The following UBASH3A variants were observed in gnomAD, a reference collection of about 807,000 sequenced individuals.
The protein encoded by UBASH3A is ubiquitin-associated and SH3 domain-containing protein A.
In UBASH3A, 63 loss-of-function variants were observed where a neutral mutation model predicts 73.5. That is an observed-to-expected ratio of 0.86 (90% CI 0.70 to 1.06). The LOEUF (loss-of-function observed/expected upper bound fraction) is 1.06. Among genes scored for constraint, UBASH3A ranks in the 50% least tolerant of loss-of-function variants. The probability of loss-of-function intolerance (pLI) is 0.00; values close to 1 mark genes in which losing one functional copy is unlikely to be tolerated. For missense variants in UBASH3A, 860 were observed against 859.0 expected, an observed-to-expected ratio of 1.00 and a Z score of -0.02; for synonymous variants, 363 against 351.1, an observed-to-expected ratio of 1.03 and a Z score of -0.38.
intron 1 of UBASH3A, among the ~76,000 whole-genome samples, chr21:42,404,552 G>A (rs1265536828): frequency 6.6e-6 from 1 of 152,184 alleles, no homozygotes; most frequent in Non-Finnish European, 1.5e-5. Flanking sequence ...TACTCTGGGT[G>A]CCCCATTTTG....
intron 2 of UBASH3A, among the ~76,000 whole-genome samples, chr21:42,407,884 T>C (rs547938112): frequency 6.6e-6 from 1 of 152,388 alleles, no homozygotes; most frequent in African/African-American, 2.4e-5. Context: ...AAGTGCAACA[T>C]TGTATATGTA....
chr21:42,430,960 G>A lies in UBASH3A; in HGVS notation c.1171-1143G>A, dbSNP rs547506274. Among the ~76,000 whole-genome samples, 5 of 152,202 alleles carry A rather than the reference G, an allele frequency of 3.3e-5. No individual in the cohort carries two copies. The South Asian group carries it at 6.2e-4, about 19-fold the overall frequency. The stretch of plus-strand genomic sequence containing the variant: ...GGGCTGGGAATGTAGGTGAAGGGCC[G>A]ATGTCAGCTGGCACATTAGTGCCCT... On this transcript the variant is annotated intron_variant, in intron 8 of 14. Transcript: ENST00000319294.
At chr21:42,406,649 T>C (rs1452207419) in intron 2 of UBASH3A, among the ~76,000 whole-genome samples, 1 of 152,234 alleles carries the variant, frequency 6.6e-6, no homozygotes, top group African/African-American at 2.4e-5. Context: ...AACAGGTTCA[T>C]GTGCTTTGTT....
chr21:42,406,028 C>A (rs936737580), intron 1 of UBASH3A, among the ~76,000 whole-genome samples: 4 of 135,822 alleles, frequency 2.9e-5, no homozygotes, highest in Non-Finnish European at 6.2e-5. Context: ...CAGGAGCGGG[C>A]GGAGGTCAGG....
chr21:42,442,646 A>G, intron 12 of UBASH3A, 50 bp downstream of exon 12: 6 of 1,563,188 alleles, frequency 3.8e-6, no homozygotes, highest in Non-Finnish European at 5.2e-6. Flanking sequence ...AGTTATTGTT[A>G]AAGAAAAATT....
intron 10 of UBASH3A, 153 bp downstream of exon 10, chr21:42,435,107 TAA>T (rs1288498859): frequency 2.1e-6 from 2 of 945,560 alleles, no homozygotes; most frequent in Non-Finnish European, 3.1e-6. Context: ...ACAGAGAGGT[TAA>T]GCAACTTGCC....
At chr21:42,419,512 T>C (rs111838414) in intron 7 of UBASH3A, among the ~76,000 whole-genome samples, 4 of 152,232 alleles carry the variant, frequency 2.6e-5, no homozygotes, top group African/African-American at 4.8e-5. Flanking sequence ...CTTGCTCCGA[T>C]TTCCTGGAAC....
In UBASH3A at chr21:42,412,948, G is replaced by A. The variant is rs1408821070; in HGVS notation, c.355-76G>A. 8 of 1,226,406 alleles carry A rather than the reference G, an allele frequency of 6.5e-6. 1 individual carries two copies. In the Admixed American group the frequency reaches 9.7e-5, roughly 15 times the overall value. 76.0% of individuals were successfully genotyped at this position (1,226,406 alleles called of 1,614,324 possible). ...AAGAATCTCACTTTAATTGCTGCCT[G>A]ATTGTTATTAATTAAATTAATAGAT... On this transcript the variant is annotated intron_variant, in intron 3 of 14. Transcript: ENST00000319294.
At chr21:42,442,365 A>G in intron 11 of UBASH3A, 87 bp from the exon 12 acceptor site, 2 of 1,343,564 alleles carry the variant, frequency 1.5e-6, no homozygotes, top group Admixed American at 1.9e-5. Flanking sequence ...CGTGTGTGTG[A>G]CGGTCTGAGA....
At chr21:42,412,952 G>A (rs1317862440) in intron 3 of UBASH3A, 72 bp from the exon 4 acceptor site, 1 of 1,248,606 alleles carries the variant, frequency 8.0e-7, no homozygotes, top group East Asian at 2.3e-5. Context: ...CTGCCTGATT[G>A]TTATTAATTA....
At chr21:42,421,204 G>C (rs2053332275) in intron 7 of UBASH3A, among the ~76,000 whole-genome samples, 1 of 152,228 alleles carries the variant, frequency 6.6e-6, no homozygotes, top group Non-Finnish European at 1.5e-5. Flanking sequence ...AAGCTGCTCA[G>C]CCTCATGGGT....
intron 7 of UBASH3A, among the ~76,000 whole-genome samples, chr21:42,425,389 C>T (rs765720439): frequency 4.6e-5 from 7 of 152,198 alleles, no homozygotes; most frequent in African/African-American, 7.2e-5. Context: ...CAGAGCGAGC[C>T]GCAGGGAGGC....
At chr21:42,444,980 C>T (rs370271330) in intron 14 of UBASH3A, among the ~76,000 whole-genome samples, 59 of 152,268 alleles carry the variant, frequency 3.9e-4, no homozygotes, top group Non-Finnish European at 7.1e-4. Flanking sequence ...CTGTGGGACT[C>T]GATTCTGGCC....
chr21:42,437,675 C>A, intron 11 of UBASH3A, 95 bp downstream of exon 11: 2 of 1,133,088 alleles, frequency 1.8e-6, no homozygotes, highest in Non-Finnish European at 2.6e-6. Flanking sequence ...AATTGGATGA[C>A]TGGCAATGAA....
Position 42,414,792 on chromosome 21 carries a change from C to A in UBASH3A, c.667+1269C>A, listed in dbSNP as rs561952529. 4.4e-4 allele frequency among the ~76,000 whole-genome samples: 67 copies of A among 152,318 alleles called. 1 individual carries two copies. The South Asian group carries it at 6.6e-3, about 15-fold the overall frequency. On this transcript the variant is annotated intron_variant, in intron 5 of 14. Transcript: ENST00000319294. ...GCCCTGCCAACACCTTGATTTTGAACCTCTAGTCTCCAGAAATGGGAGGCA... is the reference window on the plus strand; with the variant it reads ...GCCCTGCCAACACCTTGATTTTGAAACTCTAGTCTCCAGAAATGGGAGGCA...
chr21:42,417,809 CAAAA>C (rs974436429), intron 6 of UBASH3A, among the ~76,000 whole-genome samples: 9 of 145,108 alleles, frequency 6.2e-5, no homozygotes, highest in African/African-American at 2.3e-4. Context: ...CTTTTGTAGA[CAAAA>C]AAGTACCTAG....
At chr21:42,411,672 T>C (rs1462635162) in intron 3 of UBASH3A, among the ~76,000 whole-genome samples, 1 of 152,200 alleles carries the variant, frequency 6.6e-6, no homozygotes, top group African/African-American at 2.4e-5. Flanking sequence ...GGCCTGGCCG[T>C]GGTTAGTGGA....
In UBASH3A at chr21:42,420,146, T is replaced by G. The variant is rs111806389; in HGVS notation, c.1046+1537T>G. Among the ~76,000 whole-genome samples the G allele has an allele frequency of 1.6e-4, 24 of 152,304 alleles. 1 individual carries two copies. The highest frequency in any genetic ancestry group is 5.8e-4 in the African/African-American group (24 of 41,556). Reference sequence around the variant, plus strand: ...TAATACATATAAGTATATGTACAGTTGTCCCTTGCTATCTGCAAGGGATTG... The same window carrying G: ...TAATACATATAAGTATATGTACAGTGGTCCCTTGCTATCTGCAAGGGATTG... On this transcript the variant is annotated intron_variant, in intron 7 of 14. Transcript: ENST00000319294.
At chr21:42,444,732 A>T (rs1396534153) in intron 14 of UBASH3A, 89 bp downstream of exon 14, 2 of 1,130,910 alleles carry the variant, frequency 1.8e-6, no homozygotes, top group Non-Finnish European at 2.7e-6. Context: ...AATGAAAACA[A>T]GTGTCCGGCT....
Sources: allele counts gnomAD v4.1 joint callset (sites outside exome capture counted in the v4.1 genomes callset), GRCh38; gene constraint gnomAD v4.1.1; transcripts MANE v1.5; gene names NCBI Gene and HGNC (gene_info 2026-07-23, HGNC 2026-07-21).